Variants in ZFPM2 observed in about 807,000 individuals in gnomAD.
ZFPM2 encodes the protein zinc finger protein ZFPM2.
ZFPM2 carries 20 observed loss-of-function variants against 98.6 expected under a neutral mutation model. That is an observed-to-expected ratio of 0.20 (90% CI 0.14 to 0.29). ZFPM2 has a LOEUF of 0.29. Among genes scored for constraint, ZFPM2 ranks in the 10% least tolerant of loss-of-function variants. ZFPM2 has a pLI of 1.00. For missense variants in ZFPM2, 1,310 were observed against 1,388.6 expected, an observed-to-expected ratio of 0.94 and a Z score of 0.90; for synonymous variants, 518 against 502.7, an observed-to-expected ratio of 1.03 and a Z score of -0.41.
rs771987459 is a variant in ZFPM2 at position 105,802,844 on chromosome 8, A to T, written c.2762A>T (p.Asn921Ile). 1.9e-6 allele frequency: 3 copies of T among 1,613,732 alleles called. No homozygotes were observed. Among genetic ancestry groups the T allele is most frequent in the Middle Eastern group, 1.6e-4 (1 of 6,062 alleles). ...RSIIKCEKNG[N>I]LKQPSPNGNL... ...ATAATAAAATGTGAGAAAAATGGGA[A>T]TTTGAAGCAGCCTTCCCCCAATGGA... Residue 921 changes from asparagine (N) to isoleucine (I), a missense_variant, in exon 8 of 8, where the codon AAT becomes ATT. Physicochemically the swap from Asn to Ile is moderately radical, Grantham distance 149. Transcript: ENST00000407775.
At chr8:105,546,404 C>T (rs925603718) in intron 3 of ZFPM2, among the ~76,000 whole-genome samples, 2 of 151,576 alleles carry the variant, frequency 1.3e-5, no homozygotes, top group Non-Finnish European at 2.9e-5. Flanking sequence ...TGGAGAAACA[C>T]CGTAAAAATA....
chr8:105,382,104 G>T (rs1422287515), intron 1 of ZFPM2, among the ~76,000 whole-genome samples: 5 of 152,076 alleles, frequency 3.3e-5, no homozygotes, highest in Admixed American at 2.0e-4. Flanking sequence ...AGAGATGGTT[G>T]AAATTTTTAT....
chr8:105,763,123 C>CAAACA (rs1464075821), intron 5 of ZFPM2, among the ~76,000 whole-genome samples: 4 of 147,206 alleles, frequency 2.7e-5, no homozygotes, highest in African/African-American at 1.0e-4. Context: ...TGTGATCTGA[C>CAAACA]AAACAAAACA....
At chr8:105,649,988 T>G (rs2130866058) in intron 5 of ZFPM2, among the ~76,000 whole-genome samples, 1 of 152,290 alleles carries the variant, frequency 6.6e-6, no homozygotes, top group South Asian at 2.1e-4. Context: ...CTGGTAGAAT[T>G]TGGCTGTGAA....
chr8:105,654,807 T>C (rs1304466747), intron 5 of ZFPM2, among the ~76,000 whole-genome samples: 1 of 152,204 alleles, frequency 6.6e-6, no homozygotes, highest in Non-Finnish European at 1.5e-5. Flanking sequence ...TACATTCATC[T>C]ATATTTATGA....
intron 3 of ZFPM2, among the ~76,000 whole-genome samples, chr8:105,491,883 G>A (rs1043790814): frequency 1.3e-5 from 2 of 152,088 alleles, no homozygotes; most frequent in Non-Finnish European, 2.9e-5. Flanking sequence ...GTATTATGAT[G>A]TGTAGTATTT....
chr8:105,634,364 G>C lies in ZFPM2; in HGVS notation c.532+7G>C, dbSNP rs758756772. 1.9e-6 allele frequency: 3 copies of C among 1,603,052 alleles called. No individual in the cohort carries two copies. The East Asian group carries it at 6.7e-5, about 36-fold the overall frequency. ...TGCATTGTGTACAGCAAAGGTAAATGCAAGATTGTTTCCCTCTCTCTTTGG... is the reference window on the plus strand; with the variant it reads ...TGCATTGTGTACAGCAAAGGTAAATCCAAGATTGTTTCCCTCTCTCTTTGG... On this transcript the variant is annotated splice_region_variant and intron_variant, in intron 5 of 7. Coordinates refer to ENST00000407775, the MANE Select transcript of ZFPM2 (RefSeq NM_012082.4).
At chr8:105,380,600 A>ATG (rs1810828237) in intron 1 of ZFPM2, among the ~76,000 whole-genome samples, 2 of 53,924 alleles carry the variant, frequency 3.7e-5, no homozygotes, top group East Asian at 7.6e-4. Flanking sequence ...GTATATATAT[A>ATG]TTATATATAT....
At chr8:105,791,960 G>A (rs1310285357) in intron 6 of ZFPM2, among the ~76,000 whole-genome samples, 38 of 152,046 alleles carry the variant, frequency 2.5e-4, no homozygotes, top group East Asian at 7.8e-4. Context: ...TTTTTATTGC[G>A]TCTATTTGAT....
At chr8:105,479,898 A>G (rs1026314845) in intron 3 of ZFPM2, among the ~76,000 whole-genome samples, 1 of 152,042 alleles carries the variant, frequency 6.6e-6, no homozygotes, top group Non-Finnish European at 1.5e-5. Flanking sequence ...CAATTTTTCT[A>G]TGTATCAGAT....
chr8:105,794,490 T>TG (rs928883854), intron 6 of ZFPM2, among the ~76,000 whole-genome samples: 13 of 152,294 alleles, frequency 8.5e-5, no homozygotes, highest in Middle Eastern at 6.8e-3. Context: ...CTGCCCCTAC[T>TG]GGGGGGTGCG....
intron 1 of ZFPM2, among the ~76,000 whole-genome samples, chr8:105,390,651 A>G (rs1174229286): frequency 6.6e-6 from 1 of 152,222 alleles, no homozygotes; most frequent in Non-Finnish European, 1.5e-5. Context: ...ATCACTTGAG[A>G]AATTCCAAGG....
At chr8:105,662,383 A>G (rs1298737928) in intron 5 of ZFPM2, 4 of 152,020 alleles carry the variant, frequency 2.6e-5, no homozygotes, top group Non-Finnish European at 4.4e-5. Flanking sequence ...AAAATAAATC[A>G]CCATTTCTTT....
At chr8:105,666,497 T>C (rs1438551032) in intron 5 of ZFPM2, among the ~76,000 whole-genome samples, 3 of 152,200 alleles carry the variant, frequency 2.0e-5, no homozygotes, top group Non-Finnish European at 2.9e-5. Flanking sequence ...CCCAAGCTCA[T>C]ACTTTGAAAA....
At chr8:105,569,053 C>T (rs1235814270) in intron 4 of ZFPM2, among the ~76,000 whole-genome samples, 1 of 151,988 alleles carries the variant, frequency 6.6e-6, no homozygotes, top group African/African-American at 2.4e-5. Context: ...AAGTCACTTC[C>T]AAGGTAGACC....
chr8:105,618,511 A>G (rs1033158971), intron 4 of ZFPM2, among the ~76,000 whole-genome samples: 14 of 152,156 alleles, frequency 9.2e-5, no homozygotes, highest in African/African-American at 2.9e-4. Flanking sequence ...TATTAGAGCA[A>G]TGTGTTTTCT....
At chr8:105,596,739 C>CTTTTTTTTTT (rs910632602) in intron 4 of ZFPM2, among the ~76,000 whole-genome samples, 36 of 58,922 alleles carry the variant, frequency 6.1e-4, no homozygotes, top group Non-Finnish European at 8.6e-4. Context: ...CCTTTGTCTG[C>CTTTTTTTTTT]TTTTTTTTTT....
intron 4 of ZFPM2, among the ~76,000 whole-genome samples, chr8:105,579,727 G>GT (rs1815545459): frequency 6.6e-6 from 1 of 152,120 alleles, no homozygotes; most frequent in Non-Finnish European, 1.5e-5. Flanking sequence ...TTCTCTTTGC[G>GT]TAAATCCCCT....
At chr8:105,323,498 C>G (rs927076036) in intron 1 of ZFPM2, among the ~76,000 whole-genome samples, 1 of 151,746 alleles carries the variant, frequency 6.6e-6, no homozygotes, top group Non-Finnish European at 1.5e-5. Flanking sequence ...TTAAAGGAAC[C>G]TGTATTCTGT....
Sources: allele counts gnomAD v4.1 joint callset (sites outside exome capture counted in the v4.1 genomes callset), GRCh38; gene constraint gnomAD v4.1.1; transcripts MANE v1.5; gene names NCBI Gene and HGNC (gene_info 2026-07-23, HGNC 2026-07-21).